SLC25A20: variants seen among roughly 807,000 people sequenced by gnomAD.
SLC25A20 encodes solute carrier family 25 member 20, also known as mitochondrial carnitine/acylcarnitine carrier protein.
In SLC25A20, 29 loss-of-function variants were observed where a neutral mutation model predicts 39.7. That is an observed-to-expected ratio of 0.73 (90% CI 0.54 to 1.00). SLC25A20 has a LOEUF of 1.00. Ranked by LOEUF, SLC25A20 falls within the 50% of genes least tolerant of loss-of-function variation. The pLI is 0.00. For missense variants in SLC25A20, 333 were observed against 379.9 expected (o/e 0.88, Z 1.03); for synonymous variants, 103 against 142.2 (o/e 0.72, Z 1.96).
chr3:48,893,519 G>A (rs1194093597), intron 1 of SLC25A20, among the ~76,000 whole-genome samples: 1 of 151,962 alleles, frequency 6.6e-6, no homozygotes, highest in Non-Finnish European at 1.5e-5. Flanking sequence ...TTGGGTAAAA[G>A]AGCAAGACCT....
In SLC25A20 at chr3:48,859,429, C is replaced by T; in HGVS notation, c.608+126G>A. 7.7e-6 allele frequency: 7 copies of T among 911,942 alleles called. No individual in the cohort carries two copies. The East Asian group carries it at 1.7e-4, about 22-fold the overall frequency. 56.5% of individuals were successfully genotyped at this position (911,942 alleles called of 1,614,324 possible). On this transcript the variant is annotated intron_variant, in intron 6 of 8. Transcript: ENST00000319017. Reference sequence around the variant, plus strand: ...GTAAGAAGAGCTAGCTGGACCTCAGCAGCCACAAGAGGAAAGCAGACATGG... The same window carrying T: ...GTAAGAAGAGCTAGCTGGACCTCAGTAGCCACAAGAGGAAAGCAGACATGG...
At position 48,879,416 on chromosome 3, in the gene SLC25A20, G is replaced by C; in HGVS notation, c.359C>G (p.Ser120Cys). 6.2e-7 allele frequency: 1 copy of C among 1,614,000 alleles called. No individual in the cohort carries two copies. The highest frequency in any genetic ancestry group is 1.1e-5 in the South Asian group (1 of 91,080). Residue 120 changes from serine to cysteine, a missense_variant, in exon 4 of 9, where the codon TCT becomes TGT. Transcript: ENST00000319017. ...YPQLFAAGML[S>C]GVFTTGIMTP... ...CATGATTCCTGTGGTGAATACGCCA[G>C]ATAACATCCCAGCTGCAAAAAGCTG... is the stretch of plus-strand genomic sequence containing the variant.
chr3:48,859,630 G>A lies in SLC25A20; in HGVS notation c.536-3C>T, dbSNP rs749908706. 6 of 1,610,628 alleles carry A rather than the reference G, an allele frequency of 3.7e-6. No homozygotes were observed. The highest frequency in any genetic ancestry group is 4.2e-6 in the Non-Finnish European group (5 of 1,176,852). ...ATACATTCCACTAGCTGGGACATCT[G>A]TTAGTGGCAAGAAAAAGGTGAATTA... On this transcript the variant is annotated splice_region_variant and splice_polypyrimidine_tract_variant and intron_variant, in intron 5 of 8. Transcript: ENST00000319017.
At chr3:48,860,579 T>C (rs1381588017) in intron 5 of SLC25A20, among the ~76,000 whole-genome samples, 1 of 151,308 alleles carries the variant, frequency 6.6e-6, no homozygotes, top group Non-Finnish European at 1.5e-5. Flanking sequence ...CACTCCAGCC[T>C]GGTGACAGAG....
intron 4 of SLC25A20, among the ~76,000 whole-genome samples, chr3:48,875,692 G>A (rs1317133070): frequency 6.6e-6 from 1 of 152,184 alleles, no homozygotes; most frequent in East Asian, 1.9e-4. Context: ...TTACAGGTGT[G>A]AGCCACTGTG....
chr3:48,896,965 C>T lies in SLC25A20; in HGVS notation c.105+1725G>A, dbSNP rs2083913681. Among the ~76,000 whole-genome samples, 4 of 152,214 alleles carry T rather than the reference C, an allele frequency of 2.6e-5. No homozygotes were observed. The South Asian group carries it at 8.3e-4, about 32-fold the overall frequency. On this transcript the variant is annotated intron_variant, in intron 1 of 8. Transcript: ENST00000319017. ...AATGCCTGTTCTAACGCACCACCTTCCATAGAGCCTTTTCATGACCCACTC... is the reference window on the plus strand; with the variant it reads ...AATGCCTGTTCTAACGCACCACCTTTCATAGAGCCTTTTCATGACCCACTC...
At chr3:48,896,845 T>A (rs1575995110) in intron 1 of SLC25A20, among the ~76,000 whole-genome samples, 1 of 151,776 alleles carries the variant, frequency 6.6e-6, no homozygotes, top group African/African-American at 2.4e-5. Flanking sequence ...TATAATATGA[T>A]CCCCACTTGC....
At chr3:48,865,724 G>A (rs180981612) in intron 4 of SLC25A20, among the ~76,000 whole-genome samples, 13 of 144,652 alleles carry the variant, frequency 9.0e-5, no homozygotes, top group Admixed American at 2.8e-4. Flanking sequence ...AGCTGATATC[G>A]CGCCACCGCA....
intron 1 of SLC25A20, among the ~76,000 whole-genome samples, chr3:48,895,524 T>C (rs1328563162): frequency 1.3e-5 from 2 of 152,256 alleles, no homozygotes; most frequent in East Asian, 3.8e-4. Flanking sequence ...AAACATCATT[T>C]TTACCATGTT....
chr3:48,871,184 C>T (rs1374815769), intron 4 of SLC25A20, among the ~76,000 whole-genome samples: 1 of 151,706 alleles, frequency 6.6e-6, no homozygotes, highest in Non-Finnish European at 1.5e-5. Context: ...TTGGAGGATT[C>T]AAAATAATAA....
Position 48,884,108 on chromosome 3 carries a change from T to C in SLC25A20, c.215A>G (p.Tyr72Cys). The C allele has an allele frequency of 6.2e-7, 1 of 1,613,596 alleles. No homozygotes were observed. Among genetic ancestry groups the C allele is most frequent in the Non-Finnish European group, 8.5e-7 (1 of 1,179,648 alleles). The change falls in exon 3 of 9, where the codon TAT becomes TGT. Residue 72 changes from tyrosine to cysteine, a missense_variant. Tyr to Cys is a radical substitution (Grantham distance 194). Transcript: ENST00000319017. ...TLFREGITGL[Y>C]RGMAAPIIGV... Reference sequence around the variant, plus strand: ...GATGATAGGGGCAGCCATTCCCCGATATAGCCCCGTGATGCCCTGCAAGGA... The same window carrying C: ...GATGATAGGGGCAGCCATTCCCCGACATAGCCCCGTGATGCCCTGCAAGGA...
intron 3 of SLC25A20, among the ~76,000 whole-genome samples, chr3:48,883,713 C>T (rs1477562821): frequency 6.6e-6 from 1 of 150,478 alleles, no homozygotes; most frequent in African/African-American, 2.4e-5. Context: ...CTCTTGCCTC[C>T]CAAGTTCAAG....
At chr3:48,876,661 G>C (rs1160995681) in intron 4 of SLC25A20, among the ~76,000 whole-genome samples, 1 of 151,398 alleles carries the variant, frequency 6.6e-6, no homozygotes, top group Admixed American at 6.6e-5. Flanking sequence ...CCTGACCTTA[G>C]TGATCCACCC....
chr3:48,883,881 C>A, intron 3 of SLC25A20, 116 bp downstream of exon 3: 6 of 1,306,070 alleles, frequency 4.6e-6, no homozygotes, highest in Non-Finnish European at 6.4e-6. Context: ...GCCTCAGTCT[C>A]CCAAAGTGCT....
chr3:48,863,787 C>T (rs1166000691), intron 4 of SLC25A20, among the ~76,000 whole-genome samples: 1 of 151,572 alleles, frequency 6.6e-6, no homozygotes, highest in Non-Finnish European at 1.5e-5. Context: ...GAGGCTGAGG[C>T]GGGCAGATCA....
intron 4 of SLC25A20, among the ~76,000 whole-genome samples, chr3:48,866,870 G>A (rs984809976): frequency 5.9e-5 from 9 of 151,518 alleles, no homozygotes; most frequent in East Asian, 2.0e-4. Flanking sequence ...CTCGACTCAC[G>A]GCAACCTCTG....
chr3:48,863,230 A>C (rs1369013216), intron 4 of SLC25A20, among the ~76,000 whole-genome samples: 1 of 152,202 alleles, frequency 6.6e-6, no homozygotes, highest in Non-Finnish European at 1.5e-5. Context: ...GAAATCTGTC[A>C]AACACAATAA....
chr3:48,866,759 T>C lies in SLC25A20; in HGVS notation c.418-4100A>G, dbSNP rs565884924. Among the ~76,000 whole-genome samples, 8 of 151,692 alleles carry C rather than the reference T, an allele frequency of 5.3e-5. No homozygotes were observed. The South Asian group carries it at 6.3e-4, about 12-fold the overall frequency. On this transcript the variant is annotated intron_variant, in intron 4 of 8. Transcript: ENST00000319017. ...GATCCTCCCACCTCAGACTCCTGAATAGCTAGGGCTACAGGTGCATGCCAC... is the reference window on the plus strand; with the variant it reads ...GATCCTCCCACCTCAGACTCCTGAACAGCTAGGGCTACAGGTGCATGCCAC...
Position 48,862,589 on chromosome 3 carries a change from A to C in SLC25A20, c.488T>G (p.Phe163Cys). 1.2e-6 allele frequency: 2 copies of C among 1,614,098 alleles called. No homozygotes were observed. The highest frequency in any genetic ancestry group is 1.7e-6 in the Non-Finnish European group (2 of 1,179,960). ...CCCTTTGTAGATGCCTCGGATCCCA[A>C]ACTCCTGGTACAGCTTCTTTGCACA... Reference protein sequence around the residue: ...LDCAKKLYQEFGIRGIYKGTV... With the variant: ...LDCAKKLYQECGIRGIYKGTV... The change falls in exon 5 of 9, where the codon TTT becomes TGT. Residue 163 changes from phenylalanine (F) to cysteine (C), a missense_variant. Transcript: ENST00000319017.
Sources: gnomAD v4.1 joint callset for allele counts (sites outside exome capture counted in the v4.1 genomes callset) on GRCh38, gnomAD v4.1.1 for gene constraint, MANE v1.5 for transcripts, NCBI Gene and HGNC (gene_info 2026-07-23, HGNC 2026-07-21) for gene names.